PKN2: variants seen among roughly 807,000 people sequenced by gnomAD.
The protein encoded by PKN2 is serine/threonine-protein kinase N2.
A neutral mutation model predicts 119.1 loss-of-function variants in PKN2; 38 were observed. The ratio of observed to expected loss-of-function variants is 0.32; its 90% CI spans 0.25 to 0.42. The LOEUF (loss-of-function observed/expected upper bound fraction) is 0.42. Ranked by LOEUF, PKN2 falls within the 10% of genes least tolerant of loss-of-function variation. PKN2 has a pLI of 1.00. For synonymous variants in PKN2, 390 were observed against 384.9 expected, an observed-to-expected ratio of 1.01 and a Z score of -0.15; for missense variants, 850 against 1,165.1, an observed-to-expected ratio of 0.73 and a Z score of 3.94.
At chr1:88,734,427 T>C (rs1343848526) in intron 1 of PKN2, among the ~76,000 whole-genome samples, 1 of 152,216 alleles carries the variant, frequency 6.6e-6, no homozygotes, top group Non-Finnish European at 1.5e-5. Context: ...CTCATGTGGA[T>C]ATCCAGTTTT....
intron 1 of PKN2, among the ~76,000 whole-genome samples, chr1:88,721,948 A>C (rs1479081330): frequency 6.6e-6 from 1 of 152,148 alleles, no homozygotes; most frequent in East Asian, 1.9e-4. Context: ...ACAAATCTAC[A>C]TTTGTAATCT....
At chr1:88,820,542 AATAAAT>A (rs1423099261) in intron 16 of PKN2, among the ~76,000 whole-genome samples, 2 of 146,672 alleles carry the variant, frequency 1.4e-5, no homozygotes, top group Non-Finnish European at 3.0e-5. Context: ...TCAAAAAAAA[AATAAAT>A]AAAATAAATA....
At chr1:88,745,674 C>G (rs1668741675) in intron 2 of PKN2, among the ~76,000 whole-genome samples, 1 of 152,036 alleles carries the variant, frequency 6.6e-6, no homozygotes, top group African/African-American at 2.4e-5. Context: ...CCAATGTGAT[C>G]TACAGATTCA....
At chr1:88,698,214 A>G (rs778049042) in intron 1 of PKN2, among the ~76,000 whole-genome samples, 2 of 152,096 alleles carry the variant, frequency 1.3e-5, no homozygotes, top group Non-Finnish European at 2.9e-5. Flanking sequence ...CTAGCCATAT[A>G]AACTAGAATC....
In PKN2 at chr1:88,761,612, TAAAAAAAAA is replaced by T. The variant is rs368283566; in HGVS notation, c.504+1250_504+1258del. Among the ~76,000 whole-genome samples the T allele has an allele frequency of 3.3e-3, 339 of 102,026 alleles. 1 individual carries two copies. Among genetic ancestry groups the T allele is most frequent in the African/African-American group, 0.012 (327 of 27,910 alleles). The allele number at this position is 102,026 out of a possible 152,430, so 66.9% of individuals were successfully genotyped here. A position where few individuals can be genotyped will look rare whatever the true frequency, so the allele number is the denominator to read the frequency against. ...TCAATATAGCAAGACCCTGTCTCTT[TAAAAAAAAA>T]AAAAAAAAAAAAAGACATTAGGGAA... On this transcript the variant is annotated intron_variant, in intron 3 of 21. Transcript: ENST00000370521.
intron 1 of PKN2, among the ~76,000 whole-genome samples, chr1:88,697,092 G>C (rs998419843): frequency 2.0e-5 from 3 of 151,920 alleles, no homozygotes; most frequent in African/African-American, 7.3e-5. Context: ...ATATATTTTT[G>C]ATTAATAAAT....
chr1:88,829,327 T>A, intron 19 of PKN2: 7 of 533,584 alleles, frequency 1.3e-5, no homozygotes, highest in Admixed American at 2.6e-5. Context: ...AAGTATTCGC[T>A]ACACCAACAG....
intron 1 of PKN2, among the ~76,000 whole-genome samples, chr1:88,724,056 C>T (rs997891245): frequency 6.6e-6 from 1 of 152,082 alleles, no homozygotes; most frequent in Non-Finnish European, 1.5e-5. Context: ...ACTCAAGTCA[C>T]TTGCTTTAAG....
At position 88,835,089 on chromosome 1, in the gene PKN2, G is replaced by T. The variant is rs1397442733; in HGVS notation, c.*1641G>T. 2 of 152,220 alleles carry T rather than the reference G, an allele frequency of 1.3e-5. No individual in the cohort carries two copies. Among genetic ancestry groups the T allele is most frequent in the Non-Finnish European group, 2.9e-5 (2 of 67,898 alleles). 9.4% of individuals were successfully genotyped at this position (152,220 alleles called of 1,614,324 possible). ...AAAAACATTTATAAATATTTGCTGG[G>T]ATGTTTTAGCATCTTTTCATTGTAC... On this transcript the variant is annotated 3_prime_UTR_variant, in exon 22 of 22. Coordinates refer to ENST00000370521, the MANE Select transcript of PKN2 (RefSeq NM_006256.4).
chr1:88,812,737 CAAAA>C (rs965781488), intron 15 of PKN2, among the ~76,000 whole-genome samples: 2 of 151,856 alleles, frequency 1.3e-5, no homozygotes, highest in Non-Finnish European at 2.9e-5. Context: ...GATCCTGTCT[CAAAA>C]AAACACACAA....
At chr1:88,804,680 CTT>C in intron 9 of PKN2, 146 bp downstream of exon 9, 1 of 844,918 alleles carries the variant, frequency 1.2e-6, no homozygotes, top group Non-Finnish European at 1.9e-6. Context: ...AGGTATGTGA[CTT>C]TGAGACAAAT....
chr1:88,770,265 A>G (rs561589176), intron 3 of PKN2, 87 bp from the exon 4 acceptor site: 1 of 695,862 alleles, frequency 1.4e-6, no homozygotes, highest in Non-Finnish European at 2.6e-6. Flanking sequence ...TCACTTGCTG[A>G]TATATCACTT....
At position 88,724,040 on chromosome 1, in the gene PKN2, G is replaced by A. The variant is rs550250753; in HGVS notation, c.49-16948G>A. On this transcript the variant is annotated intron_variant, in intron 1 of 21. Transcript: ENST00000370521. ...AGAGATTTAGAGATTTGAGAGAGAAGGAGATACTCAAGTCACTTGCTTTAA... is the reference window on the plus strand; with the variant it reads ...AGAGATTTAGAGATTTGAGAGAGAAAGAGATACTCAAGTCACTTGCTTTAA... Among the ~76,000 whole-genome samples the A allele has an allele frequency of 2.6e-5, 4 of 152,224 alleles. No individual in the cohort carries two copies. The South Asian group carries it at 8.3e-4, about 32-fold the overall frequency.
Position 88,805,493 on chromosome 1 carries a change from A to C in PKN2, c.1502-4A>C, listed in dbSNP as rs777322428. ...GCTGTTTTTGTTTTTTTCAACATCT[A>C]CAGGCAAAACATTTCTCAGAGCTCC... On this transcript the variant is annotated splice_polypyrimidine_tract_variant and splice_region_variant and intron_variant, in intron 10 of 21. Transcript: ENST00000370521. 3 of 1,582,344 alleles carry C rather than the reference A, an allele frequency of 1.9e-6. No individual in the cohort carries two copies. Among genetic ancestry groups the C allele is most frequent in the Admixed American group, 3.6e-5 (2 of 55,286 alleles).
intron 1 of PKN2, among the ~76,000 whole-genome samples, chr1:88,737,073 G>C (rs1030312566): frequency 1.3e-4 from 20 of 152,218 alleles, no homozygotes; most frequent in Non-Finnish European, 2.4e-4. Flanking sequence ...TGCTGCCTGG[G>C]GTTGAGGGAA....
At chr1:88,761,400 T>C (rs1669436524) in intron 3 of PKN2, among the ~76,000 whole-genome samples, 1 of 151,914 alleles carries the variant, frequency 6.6e-6, no homozygotes, top group South Asian at 2.1e-4. Context: ...ACATATTTCT[T>C]TTTTTGTTTC....
At chr1:88,822,026 C>A in intron 17 of PKN2, 23 bp downstream of exon 17, 1 of 1,493,220 alleles carries the variant, frequency 6.7e-7, no homozygotes, top group Non-Finnish European at 9.0e-7. Context: ...TTAATTTTTT[C>A]TAATGGCTTG....
In PKN2 at chr1:88,828,717, T is replaced by G. The variant is rs142054378; in HGVS notation, c.2562+94T>G. ...AAACCACCTAATACTGTCTTCAGTA[T>G]GAGTGGAATTTAAGTTTTATAAATA... On this transcript the variant is annotated intron_variant, in intron 19 of 21. Transcript: ENST00000370521. The G allele has an allele frequency of 2.2e-5, 22 of 1,016,648 alleles. No individual in the cohort carries two copies. The Admixed American group carries it at 2.3e-4, about 10-fold the overall frequency. 63.0% of individuals were successfully genotyped at this position (1,016,648 alleles called of 1,614,324 possible).
intron 8 of PKN2, among the ~76,000 whole-genome samples, chr1:88,796,413 A>T (rs1671068112): frequency 6.6e-6 from 1 of 151,880 alleles, no homozygotes; most frequent in Non-Finnish European, 1.5e-5. Context: ...ACCAAATTCT[A>T]CTCCAAGTCA....
Sources: allele counts gnomAD v4.1 joint callset (sites outside exome capture counted in the v4.1 genomes callset), GRCh38; gene constraint gnomAD v4.1.1; transcripts MANE v1.5; gene names NCBI Gene and HGNC (gene_info 2026-07-23, HGNC 2026-07-21).